SLC24A2: variants seen among roughly 807,000 people sequenced by gnomAD.
SLC24A2 encodes sodium/potassium/calcium exchanger 2.
In SLC24A2, 36 loss-of-function variants were observed where a neutral mutation model predicts 62.0. The observed-to-expected ratio is 0.58, with a 90% CI of 0.44 to 0.77. The LOEUF is 0.77. SLC24A2 is among the 30% of genes least tolerant of loss of function. The pLI, the probability that SLC24A2 is intolerant of heterozygous loss-of-function variation, is 0.00. For synonymous variants in SLC24A2, 358 were observed against 294.0 expected (o/e 1.22, Z -2.23); for missense variants, 846 against 817.9 (o/e 1.03, Z -0.42).
At chr9:19,592,150 C>T (rs1304935325) in intron 5 of SLC24A2, among the ~76,000 whole-genome samples, 1 of 152,128 alleles carries the variant, frequency 6.6e-6, no homozygotes, top group Non-Finnish European at 1.5e-5. Context: ...GTTTTCAAAA[C>T]AGCCACATGC....
the SLC24A2 span, among the ~76,000 whole-genome samples, chr9:19,835,812 C>T: frequency 6.6e-6 from 1 of 152,144 alleles, no homozygotes. Flanking sequence ...CCAAAATTGA[C>T]CACATAGTTG....
chr9:19,628,564 C>A (rs1322144657), intron 2 of SLC24A2, among the ~76,000 whole-genome samples: 1 of 152,212 alleles, frequency 6.6e-6, no homozygotes, highest in Non-Finnish European at 1.5e-5. Context: ...GCAATTCTCA[C>A]AATTGCTAAT....
intron 2 of SLC24A2, among the ~76,000 whole-genome samples, chr9:19,641,007 G>C (rs1406218387): frequency 6.6e-6 from 1 of 152,194 alleles, no homozygotes; most frequent in Non-Finnish European, 1.5e-5. Context: ...GTGGGCTTTG[G>C]TTGCTGTGTA....
At chr9:20,058,492 TACACACACAC>T in the SLC24A2 span, among the ~76,000 whole-genome samples, 151 of 147,902 alleles carry the variant, frequency 1.0e-3, 1 homozygote, top group Non-Finnish European at 1.8e-3. Context: ...ATGCCCTTCA[TACACACACAC>T]ACACACACAC....
chr9:20,212,445 G>C, the SLC24A2 span, among the ~76,000 whole-genome samples: 1 of 151,722 alleles, frequency 6.6e-6, no homozygotes, highest in Non-Finnish European at 1.5e-5. Context: ...GAGGTCAGGA[G>C]TTTGAGACCA....
the SLC24A2 span, among the ~76,000 whole-genome samples, chr9:20,033,497 G>A: frequency 1.3e-5 from 2 of 152,216 alleles, no homozygotes; most frequent in Admixed American, 6.5e-5. Flanking sequence ...GTAGACAGGT[G>A]GAGGGTAGAG....
At chr9:20,261,443 G>C in the SLC24A2 span, among the ~76,000 whole-genome samples, 1,167 of 152,116 alleles carry the variant, frequency 7.7e-3, 7 homozygotes, top group Non-Finnish European at 0.011. Flanking sequence ...AGAGTGCCAG[G>C]GTCAGACTTG....
chr9:19,626,352 C>G (rs975541213), intron 2 of SLC24A2, among the ~76,000 whole-genome samples: 4 of 152,322 alleles, frequency 2.6e-5, no homozygotes, highest in Non-Finnish European at 1.5e-5. Flanking sequence ...TATCTACTTA[C>G]AAATCACATA....
chr9:20,263,575 A>G, the SLC24A2 span, among the ~76,000 whole-genome samples: 2 of 152,132 alleles, frequency 1.3e-5, no homozygotes, highest in African/African-American at 2.4e-5. Flanking sequence ...CATGCTTTCT[A>G]GTGAAAAATT....
At chr9:19,879,339 C>G in the SLC24A2 span, among the ~76,000 whole-genome samples, 114 of 152,210 alleles carry the variant, frequency 7.5e-4, no homozygotes, top group African/African-American at 2.7e-3. Context: ...TATTTTATAG[C>G]TGAGTGCTGT....
At chr9:19,989,009 T>C in the SLC24A2 span, among the ~76,000 whole-genome samples, 1 of 152,166 alleles carries the variant, frequency 6.6e-6, no homozygotes, top group South Asian at 2.1e-4. Flanking sequence ...AGCAGAGAAA[T>C]AAAAGATGTC....
At chr9:19,964,913 C>G in the SLC24A2 span, among the ~76,000 whole-genome samples, 449 of 152,232 alleles carry the variant, frequency 2.9e-3, 8 homozygotes, top group African/African-American at 0.01. Flanking sequence ...AGCAACGAGA[C>G]GGGACACGGT....
At chr9:20,034,720 G>A in the SLC24A2 span, among the ~76,000 whole-genome samples, 1 of 152,044 alleles carries the variant, frequency 6.6e-6, no homozygotes, top group Admixed American at 6.6e-5. Context: ...CGCCCGCCTT[G>A]ACCTCCCAAA....
chr9:20,280,264 C>A, the SLC24A2 span, among the ~76,000 whole-genome samples: 41 of 152,300 alleles, frequency 2.7e-4, no homozygotes, highest in Middle Eastern at 6.8e-3. Flanking sequence ...CAAATTACAC[C>A]ACAGAGGTGG....
chr9:20,024,750 G>T, the SLC24A2 span, among the ~76,000 whole-genome samples: 1 of 152,136 alleles, frequency 6.6e-6, no homozygotes, highest in African/African-American at 2.4e-5. Context: ...CTACAAAGTC[G>T]GGGTGAGGTG....
At chr9:19,838,455 CCACA>C in the SLC24A2 span, among the ~76,000 whole-genome samples, 55 of 144,846 alleles carry the variant, frequency 3.8e-4, no homozygotes, top group African/African-American at 1.0e-3. Flanking sequence ...AGACCTAAAA[CCACA>C]CACACACACA....
rs1281856834 is a variant in SLC24A2, at chr9:19,762,498, A to G, written c.930+23439T>C. 2.0e-5 allele frequency among the ~76,000 whole-genome samples: 3 copies of G among 152,172 alleles called. No homozygotes were observed. The East Asian group carries it at 5.8e-4, about 29-fold the overall frequency. ...GTTAATTTTTGTATAAAGTGTAAGG[A>G]AGGAGTCCAGTTTCAGCTTTCTGCA... On this transcript the variant is annotated intron_variant, in intron 2 of 10. Coordinates refer to ENST00000341998, the MANE Select transcript of SLC24A2 (RefSeq NM_020344.4).
At chr9:19,967,660 C>G in the SLC24A2 span, 1 of 152,156 alleles carries the variant, frequency 6.6e-6, no homozygotes, top group African/African-American at 2.4e-5. Context: ...CTTAGCAAAT[C>G]TCATCATAAG....
chr9:19,569,977 T>A (rs1053420390), intron 7 of SLC24A2, among the ~76,000 whole-genome samples: 1 of 152,200 alleles, frequency 6.6e-6, no homozygotes, highest in Non-Finnish European at 1.5e-5. Flanking sequence ...CACAGGAGCC[T>A]CTCCATTTTC....
Sources: gnomAD v4.1 joint callset for allele counts (sites outside exome capture counted in the v4.1 genomes callset) on GRCh38, gnomAD v4.1.1 for gene constraint, MANE v1.5 for transcripts, NCBI Gene and HGNC (gene_info 2026-07-23, HGNC 2026-07-21) for gene names.